Variants in LRCH3 observed in about 807,000 individuals in gnomAD.
LRCH3 encodes the protein DISP complex protein LRCH3.
Under a neutral mutation model 104.5 loss-of-function variants are expected in LRCH3, and 68 were observed. That is an observed-to-expected ratio of 0.65 (90% CI 0.54 to 0.80). LRCH3 has a LOEUF of 0.80. Among genes scored for constraint, LRCH3 ranks in the 30% least tolerant of loss-of-function variants. LRCH3 has a pLI of 0.00. For missense variants in LRCH3, 951 were observed against 953.9 expected (o/e 1.00, Z 0.04); for synonymous variants, 344 against 361.3 (o/e 0.95, Z 0.54).
intron 7 of LRCH3, 40 bp from the exon 8 acceptor site, chr3:197,832,157 C>G: frequency 6.3e-7 from 1 of 1,589,552 alleles, no homozygotes; most frequent in Non-Finnish European, 8.6e-7. Context: ...CTGCCAGGCT[C>G]TAAAATGATT....
intron 4 of LRCH3, among the ~76,000 whole-genome samples, chr3:197,820,815 C>A (rs923613135): frequency 6.6e-6 from 1 of 151,420 alleles, no homozygotes; most frequent in African/African-American, 2.4e-5. Context: ...TTTAAAAAAA[C>A]GGGGTGGGGA....
Position 197,810,205 on chromosome 3 carries a change from G to A in LRCH3, c.263-4703G>A, listed in dbSNP as rs1732966240. ...TGAGATGGAGTTTCACTCCCAGGTTGGAGTTCAGTGGCACGATCTTGGCTC... is the reference window on the plus strand; with the variant it reads ...TGAGATGGAGTTTCACTCCCAGGTTAGAGTTCAGTGGCACGATCTTGGCTC... On this transcript the variant is annotated intron_variant, in intron 1 of 20. Transcript: ENST00000425562. This position sits in a 1 kb window ranked among gnomAD's most constrained non-coding sequence, Gnocchi z 4.0. 1.3e-5 allele frequency among the ~76,000 whole-genome samples: 2 copies of A among 152,128 alleles called. No individual in the cohort carries two copies. The highest frequency in any genetic ancestry group is 4.8e-5 in the African/African-American group (2 of 41,424).
At chr3:197,828,535 C>T (rs923657787) in intron 5 of LRCH3, among the ~76,000 whole-genome samples, 12 of 150,902 alleles carry the variant, frequency 8.0e-5, no homozygotes, top group Non-Finnish European at 1.0e-4. Context: ...TTAGTAGAGA[C>T]GGGGTTTCAC....
chr3:197,817,360 G>GTGTGTGTGTCTATATATATATATA, intron 3 of LRCH3, 58 bp downstream of exon 3: 1 of 77,938 alleles, frequency 1.3e-5, no homozygotes. Context: ...GTGTGTGTGT[G>GTGTGTGTGTCTATATATATATATA]TATATATATA....
At position 197,882,624 on chromosome 3, in the gene LRCH3, A is replaced by G. The variant is rs572778591; in HGVS notation, c.2209-917A>G. The G allele has an allele frequency of 1.5e-5, 14 of 963,784 alleles. No homozygotes were observed. In the South Asian group the frequency reaches 4.8e-4, roughly 33 times the overall value. The allele number at this position is 963,784 out of a possible 1,614,324, so 59.7% of individuals were successfully genotyped here. A position where few individuals can be genotyped will look rare whatever the true frequency, so the allele number is the denominator to read the frequency against. On this transcript the variant is annotated intron_variant, in intron 20 of 20. Coordinates refer to ENST00000425562, the MANE Select transcript of LRCH3 (RefSeq NM_001365715.1). Reference sequence around the variant, plus strand: ...CTATATTCTGTTCTTTGTAAGAGCAATCTCTTTTCTTTTTGGAATATTTAA... The same window carrying G: ...CTATATTCTGTTCTTTGTAAGAGCAGTCTCTTTTCTTTTTGGAATATTTAA...
rs1468985991 is a variant in LRCH3 at position 197,852,621 on chromosome 3, G to A, written c.1590+1G>A. The A allele has an allele frequency of 6.2e-7, 1 of 1,613,428 alleles. No homozygotes were observed. Among genetic ancestry groups the A allele is most frequent in the African/African-American group, 1.3e-5 (1 of 74,908 alleles). On this transcript the variant is annotated splice_donor_variant, in intron 13 of 20. Transcript: ENST00000425562. LOFTEE classifies it high-confidence loss of function. ...GCTCCTAGATGGCGTAGATGGTGAGGTAAGTTGATGTAATCTCCTTTTCTT... is the reference window on the plus strand; with the variant it reads ...GCTCCTAGATGGCGTAGATGGTGAGATAAGTTGATGTAATCTCCTTTTCTT...
chr3:197,797,377 G>C (rs1489292698), intron 1 of LRCH3, among the ~76,000 whole-genome samples: 2 of 145,316 alleles, frequency 1.4e-5, no homozygotes, highest in African/African-American at 5.0e-5. Context: ...TAAGGCTATG[G>C]AATAAATTCA....
chr3:197,863,829 A>G (rs1329142044), intron 15 of LRCH3, among the ~76,000 whole-genome samples: 2 of 152,204 alleles, frequency 1.3e-5, no homozygotes, highest in Admixed American at 6.5e-5. Context: ...ATTACTTTTT[A>G]AAAATATTAA....
chr3:197,863,882 G>A (rs1350465444), intron 15 of LRCH3, among the ~76,000 whole-genome samples: 10 of 151,994 alleles, frequency 6.6e-5, no homozygotes. Context: ...AACTATTATG[G>A]AGAAATACTA....
At chr3:197,859,211 A>G in intron 15 of LRCH3, 1 of 303,894 alleles carries the variant, frequency 3.3e-6, no homozygotes, top group Admixed American at 4.7e-5. Context: ...ATAATATTGA[A>G]TTAACTCTGT....
chr3:197,812,305 A>C (rs1733214326), intron 1 of LRCH3, among the ~76,000 whole-genome samples: 1 of 152,128 alleles, frequency 6.6e-6, no homozygotes, highest in Admixed American at 6.6e-5. Context: ...AATGTTTGCA[A>C]ACTTCATGTT....
At chr3:197,882,323 C>A in intron 20 of LRCH3, 1 of 985,300 alleles carries the variant, frequency 1.0e-6, no homozygotes, top group South Asian at 4.7e-5. Flanking sequence ...TCTAGACTTG[C>A]AGTTGCACTC....
chr3:197,886,250 T>TG lies in LRCH3; in HGVS notation c.*2587dup, dbSNP rs1311734823. ...CTCCCAGCTACTCAGGAGGCTGGGG[T>TG]GGGAGGATCACTTGAGCCTGGGAGG... On this transcript the variant is annotated 3_prime_UTR_variant, in exon 21 of 21. Coordinates refer to ENST00000425562, the MANE Select transcript of LRCH3 (RefSeq NM_001365715.1). 1 of 145,986 alleles carries TG rather than the reference T, an allele frequency of 6.8e-6. No individual in the cohort carries two copies. 9.0% of individuals were successfully genotyped at this position (145,986 alleles called of 1,614,324 possible).
intron 8 of LRCH3, among the ~76,000 whole-genome samples, chr3:197,834,180 A>G (rs1014195847): frequency 1.3e-5 from 2 of 152,206 alleles, no homozygotes; most frequent in East Asian, 1.9e-4. Flanking sequence ...CTATCTTAGT[A>G]GGAAGTTTTT....
At chr3:197,880,931 T>A in intron 20 of LRCH3, 1 of 1,407,672 alleles carries the variant, frequency 7.1e-7, no homozygotes. Context: ...AAGACCAGCA[T>A]TTTTTCTCCT....
chr3:197,859,773 C>CTTT (rs199851982), intron 15 of LRCH3, among the ~76,000 whole-genome samples: 1 of 144,770 alleles, frequency 6.9e-6, no homozygotes, highest in African/African-American at 2.5e-5. Context: ...TGTAAGAATC[C>CTTT]TTTTTTTTTT....
In LRCH3 at chr3:197,832,332, G is replaced by C. The variant is rs201022620; in HGVS notation, c.1102+15G>C. 6.2e-7 allele frequency: 1 copy of C among 1,610,898 alleles called. No homozygotes were observed. On this transcript the variant is annotated intron_variant, in intron 8 of 20. Transcript: ENST00000425562. ...AAACGGCGGAGGTAAACATAATTCC[G>C]GTGACAGCTAAAGTGTTTGCAACCA... is the stretch of plus-strand genomic sequence containing the variant.
Position 197,819,214 on chromosome 3 carries a change from C to T in LRCH3, c.535-1111C>T, listed in dbSNP as rs554614654. On this transcript the variant is annotated intron_variant, in intron 3 of 20. Transcript: ENST00000425562. ...TTGTTCAGCAACATCCTTGTTGGTTCGCTCTTTTTTTCCTCTTCATTAAGT... is the reference window on the plus strand; with the variant it reads ...TTGTTCAGCAACATCCTTGTTGGTTTGCTCTTTTTTTCCTCTTCATTAAGT... Among the ~76,000 whole-genome samples, 8 of 151,800 alleles carry T rather than the reference C, an allele frequency of 5.3e-5. No homozygotes were observed. The East Asian group carries it at 9.6e-4, about 18-fold the overall frequency.
chr3:197,828,486 C>T (rs887487448), intron 5 of LRCH3, among the ~76,000 whole-genome samples: 3 of 151,638 alleles, frequency 2.0e-5, no homozygotes, highest in East Asian at 1.9e-4. Context: ...GCTGGGAGTA[C>T]AGGTGCCTGC....
Sources: allele counts gnomAD v4.1 joint callset (sites outside exome capture counted in the v4.1 genomes callset), GRCh38; gene constraint gnomAD v4.1.1; non-coding constraint Gnocchi (gnomAD v3.1); transcripts MANE v1.5; gene names NCBI Gene and HGNC (gene_info 2026-07-23, HGNC 2026-07-21).